Variants in CDCA7 observed in about 807,000 individuals in gnomAD.
CDCA7 encodes the protein cell division cycle-associated protein 7.
In CDCA7, 28 loss-of-function variants were observed where a neutral mutation model predicts 54.0. The observed-to-expected ratio is 0.52, with a 90% CI of 0.38 to 0.71. The LOEUF is 0.71. CDCA7 is among the 30% of genes least tolerant of loss of function. The probability of loss-of-function intolerance (pLI) is 0.00; values close to 1 mark genes in which losing one functional copy is unlikely to be tolerated. For missense variants in CDCA7, 484 were observed against 586.0 expected (o/e 0.83, Z 1.80); for synonymous variants, 180 against 208.2 (o/e 0.86, Z 1.16).
chr2:173,362,512 T>C (rs1394041469), intron 3 of CDCA7, among the ~76,000 whole-genome samples: 2 of 152,002 alleles, frequency 1.3e-5, no homozygotes, highest in African/African-American at 4.8e-5. Flanking sequence ...AATTGAGATC[T>C]GTTAATATAA....
intron 9 of CDCA7, among the ~76,000 whole-genome samples, 163 bp from the exon 10 acceptor site, chr2:173,367,471 G>A (rs1451823037): frequency 6.6e-6 from 1 of 152,202 alleles, no homozygotes; most frequent in African/African-American, 2.4e-5. Flanking sequence ...CCGGGTGGGT[G>A]GGTGTGTATG....
chr2:173,364,812 A>G lies in CDCA7; in HGVS notation c.717A>G (p.Arg239=), dbSNP rs751469184. ...TTGTTTAGCAATCAAGGAGACCGCG[A>G]AGGCGTACATTCCCGGGTGTTGCTT... ...PGSDSQSRRP[R]RRTFPGVASR... Residue 239 remains arginine, a synonymous_variant, in exon 6 of 10, where the codon CGA becomes CGG. Coordinates refer to ENST00000306721, the MANE Select transcript of CDCA7 (RefSeq NM_031942.5). 3.2e-5 allele frequency: 52 copies of G among 1,608,238 alleles called. No individual in the cohort carries two copies. Among genetic ancestry groups the G allele is most frequent in the Admixed American group, 2.9e-4 (17 of 58,586 alleles).
At chr2:173,359,642 T>A in intron 3 of CDCA7, 151 bp downstream of exon 3, 1 of 648,120 alleles carries the variant, frequency 1.5e-6, no homozygotes. Context: ...CTTCATGTCT[T>A]AAAGCAGTGT....
chr2:173,360,937 A>G (rs1188343923), intron 3 of CDCA7, among the ~76,000 whole-genome samples: 1 of 151,966 alleles, frequency 6.6e-6, no homozygotes, highest in Non-Finnish European at 1.5e-5. Context: ...TGTACCCATT[A>G]ACAGTCACTC....
chr2:173,360,720 T>G (rs1686604741), intron 3 of CDCA7, among the ~76,000 whole-genome samples: 1 of 152,094 alleles, frequency 6.6e-6, no homozygotes, highest in African/African-American at 2.4e-5. Flanking sequence ...CAAGCAATCC[T>G]CCCGTCTCGG....
intron 3 of CDCA7, among the ~76,000 whole-genome samples, chr2:173,362,918 C>T (rs569901991): frequency 1.3e-5 from 2 of 152,158 alleles, no homozygotes; most frequent in East Asian, 3.9e-4. Flanking sequence ...TTTTAAAATA[C>T]ATAAAGATCT....
Position 173,367,273 on chromosome 2 carries a change from G to A in CDCA7, c.1309G>A (p.Ala437Thr). 1 of 1,614,112 alleles carries A rather than the reference G, an allele frequency of 6.2e-7. No homozygotes were observed. Among genetic ancestry groups the A allele is most frequent in the Non-Finnish European group, 8.5e-7 (1 of 1,180,014 alleles). The change falls in exon 9 of 10, where the codon GCC becomes ACC. Residue 437 changes from alanine to threonine, a missense_variant. Physicochemically the swap from Ala to Thr is moderately conservative, Grantham distance 58 (BLOSUM62 0). Transcript: ENST00000306721. Reference sequence around the variant, plus strand: ...ATATCATGGCTTTGGGAATGTGCATGCCTACTTGAAAAGGTAGTGGGTGTT... The same window carrying A: ...ATATCATGGCTTTGGGAATGTGCATACCTACTTGAAAAGGTAGTGGGTGTT... ...AKYHGFGNVH[A>T]YLKSLKQEFE...
At position 173,367,158 on chromosome 2, in the gene CDCA7, T is replaced by C. The variant is rs1574222486; in HGVS notation, c.1194T>C (p.His398=). The C allele has an allele frequency of 6.3e-7, 1 of 1,591,860 alleles. No individual in the cohort carries two copies. Among genetic ancestry groups the C allele is most frequent in the Non-Finnish European group, 8.5e-7 (1 of 1,170,756 alleles). ...VRDALLDPNW[H]CPPCRGICNC... ...TGACAATCCTCCTTCAGAACTGGCA[T>C]TGCCCGCCTTGTCGAGGAATCTGCA... The change falls in exon 9 of 10, where the codon CAT becomes CAC. Residue 398 remains histidine (H), a synonymous_variant. Transcript: ENST00000306721.
In CDCA7 at chr2:173,364,984, A is replaced by G. The variant is rs1490360819; in HGVS notation, c.889A>G (p.Met297Val). ...AAAGAGGAAGACCGTGGATGGCTACATGAATGTGAGTTCTCCGCATTGGTA... is the reference window on the plus strand; with the variant it reads ...AAAGAGGAAGACCGTGGATGGCTACGTGAATGTGAGTTCTCCGCATTGGTA... ...VRKRKTVDGYMNEDDLPRSRR... is the reference protein window; with the variant it reads ...VRKRKTVDGYVNEDDLPRSRR... Residue 297 changes from methionine to valine, a missense_variant, in exon 6 of 10, where the codon ATG (methionine) becomes GTG (valine). Physicochemically the swap from Met to Val is conservative, Grantham distance 21. Coordinates refer to ENST00000306721, the MANE Select transcript of CDCA7 (RefSeq NM_031942.5). The G allele has an allele frequency of 1.3e-6, 2 of 1,574,868 alleles. No homozygotes were observed. Among genetic ancestry groups the G allele is most frequent in the Non-Finnish European group, 1.7e-6 (2 of 1,166,530 alleles).
chr2:173,363,554 T>C lies in CDCA7; in HGVS notation c.621+92T>C, dbSNP rs1686663846. 1.2e-5 allele frequency: 15 copies of C among 1,258,880 alleles called. No individual in the cohort carries two copies. In the South Asian group the frequency reaches 2.0e-4, roughly 17 times the overall value. The allele number at this position is 1,258,880 out of a possible 1,614,324, so 78.0% of individuals were successfully genotyped here. A position where few individuals can be genotyped will look rare whatever the true frequency, so the allele number is the denominator to read the frequency against. On this transcript the variant is annotated intron_variant, in intron 4 of 9. Coordinates refer to ENST00000306721, the MANE Select transcript of CDCA7 (RefSeq NM_031942.5). ...CCATCACGCAAAAGTTATTTTTTTC[T>C]GTTACATGAATAAAAAGTTATTTTT...
Position 173,366,496 on chromosome 2 carries a change from A to G in CDCA7, c.1185+64A>G. The G allele has an allele frequency of 6.3e-7, 1 of 1,584,770 alleles. No homozygotes were observed. The highest frequency in any genetic ancestry group is 1.1e-5 in the South Asian group (1 of 88,134). On this transcript the variant is annotated intron_variant, in intron 8 of 9. Coordinates refer to ENST00000306721, the MANE Select transcript of CDCA7 (RefSeq NM_031942.5). This position sits in a 1 kb window ranked among gnomAD's most constrained non-coding sequence, Gnocchi z 4.5. Reference sequence around the variant, plus strand: ...GTCAGCCACAAACTGTGATGAGGCCAGAAAAAGGCATTGGTGAAGGGGTGG... The same window carrying G: ...GTCAGCCACAAACTGTGATGAGGCCGGAAAAAGGCATTGGTGAAGGGGTGG...
rs1469739941 is a variant in CDCA7 at position 173,354,922 on chromosome 2, C to G, written c.-42C>G. 6 of 1,479,164 alleles carry G rather than the reference C, an allele frequency of 4.1e-6. No individual in the cohort carries two copies. Among genetic ancestry groups the G allele is most frequent in the African/African-American group, 1.5e-5 (1 of 68,178 alleles). 91.6% of individuals were successfully genotyped at this position (1,479,164 alleles called of 1,614,324 possible). A position where few individuals can be genotyped will look rare whatever the true frequency, so the allele number is the denominator to read the frequency against. ...GACCGCTGACCGCGCGGCTGCTCCGCTCTCCCCGCTCCAAGCGCCGATCTG... is the reference window on the plus strand; with the variant it reads ...GACCGCTGACCGCGCGGCTGCTCCGGTCTCCCCGCTCCAAGCGCCGATCTG... On this transcript the variant is annotated 5_prime_UTR_variant, in exon 1 of 10. Transcript: ENST00000306721.
At chr2:173,363,004 A>G (rs1219371240) in intron 3 of CDCA7, among the ~76,000 whole-genome samples, 2 of 152,218 alleles carry the variant, frequency 1.3e-5, no homozygotes, top group African/African-American at 4.8e-5. Flanking sequence ...AGGCCTAGGG[A>G]CTATGAAAAT....
Position 173,367,137 on chromosome 2 carries a change from A to C in CDCA7, c.1186-13A>C. 1 of 1,569,486 alleles carries C rather than the reference A, an allele frequency of 6.4e-7. No individual in the cohort carries two copies. Among genetic ancestry groups the C allele is most frequent in the Non-Finnish European group, 8.6e-7 (1 of 1,160,726 alleles). Reference sequence around the variant, plus strand: ...GTTTAACTTAATTGTGCCGTTTGACAATCCTCCTTCAGAACTGGCATTGCC... The same window carrying C: ...GTTTAACTTAATTGTGCCGTTTGACCATCCTCCTTCAGAACTGGCATTGCC... On this transcript the variant is annotated splice_polypyrimidine_tract_variant and intron_variant, in intron 8 of 9. Coordinates refer to ENST00000306721, the MANE Select transcript of CDCA7 (RefSeq NM_031942.5).
In CDCA7 at chr2:173,354,908, G is replaced by C. The variant is rs1413720025; in HGVS notation, c.-56G>C. ...TCCTCCTGCTGTGGGACCGCTGACC[G>C]CGCGGCTGCTCCGCTCTCCCCGCTC... On this transcript the variant is annotated 5_prime_UTR_variant, in exon 1 of 10. Coordinates refer to ENST00000306721, the MANE Select transcript of CDCA7 (RefSeq NM_031942.5). 12 of 1,390,082 alleles carry C rather than the reference G, an allele frequency of 8.6e-6. No individual in the cohort carries two copies. Among genetic ancestry groups the C allele is most frequent in the South Asian group, 6.5e-5 (5 of 76,676 alleles). The allele number at this position is 1,390,082 out of a possible 1,614,324, so 86.1% of individuals were successfully genotyped here. A position where few individuals can be genotyped will look rare whatever the true frequency, so the allele number is the denominator to read the frequency against.
rs748510022 is a variant in CDCA7, at chr2:173,367,269, G to C, written c.1305G>C (p.Val435=). 2 of 1,614,086 alleles carry C rather than the reference G, an allele frequency of 1.2e-6. No individual in the cohort carries two copies. The highest frequency in any genetic ancestry group is 1.7e-6 in the Non-Finnish European group (2 of 1,179,996). ...CCAAATATCATGGCTTTGGGAATGT[G>C]CATGCCTACTTGAAAAGGTAGTGGG... ...YLAKYHGFGN[V]HAYLKSLKQE... is the part of the protein sequence containing the mutation. Residue 435 remains valine, a synonymous_variant, in exon 9 of 10, where the codon GTG becomes GTC. Coordinates refer to ENST00000306721, the MANE Select transcript of CDCA7 (RefSeq NM_031942.5).
intron 1 of CDCA7, among the ~76,000 whole-genome samples, chr2:173,355,919 A>T (rs988827569): frequency 2.0e-5 from 3 of 152,106 alleles, no homozygotes; most frequent in Non-Finnish European, 4.4e-5. Context: ...GGAGCTGGGC[A>T]TTGGCTTTCC....
At chr2:173,361,635 A>G (rs1686623589) in intron 3 of CDCA7, among the ~76,000 whole-genome samples, 2 of 151,834 alleles carry the variant, frequency 1.3e-5, no homozygotes, top group Non-Finnish European at 2.9e-5. Context: ...TATTTTTAGT[A>G]GAGACGGGGT....
At chr2:173,360,038 G>A (rs1246908896) in intron 3 of CDCA7, among the ~76,000 whole-genome samples, 1 of 152,168 alleles carries the variant, frequency 6.6e-6, no homozygotes, top group East Asian at 1.9e-4. Context: ...CTGTTGTGCT[G>A]TGCCTCGGTC....
Sources: gnomAD v4.1 joint callset for allele counts (sites outside exome capture counted in the v4.1 genomes callset) on GRCh38, gnomAD v4.1.1 for gene constraint, Gnocchi (gnomAD v3.1) non-coding constraint, MANE v1.5 for transcripts, NCBI Gene and HGNC (gene_info 2026-07-23, HGNC 2026-07-21) for gene names.